The following MKRN2 variants were observed in gnomAD, a reference collection of about 807,000 sequenced individuals.
MKRN2 encodes makorin ring finger protein 2, also known as E3 ubiquitin-protein ligase makorin-2.
In MKRN2, 32 loss-of-function variants were observed where a neutral mutation model predicts 45.4. The ratio of observed to expected loss-of-function variants is 0.70; its 90% CI spans 0.53 to 0.95. The LOEUF is 0.95. MKRN2 is among the 40% of genes least tolerant of loss of function. MKRN2 has a pLI of 0.00. For synonymous variants in MKRN2, 206 were observed against 192.4 expected (o/e 1.07, Z -0.59); for missense variants, 526 against 536.7 (o/e 0.98, Z 0.20).
intron 1 of MKRN2, among the ~76,000 whole-genome samples, chr3:12,566,592 T>A (rs2058070052): frequency 6.6e-6 from 1 of 152,120 alleles, no homozygotes; most frequent in Non-Finnish European, 1.5e-5. Context: ...TCTAGAAGTT[T>A]CATTTGTTTT....
At position 12,570,095 on chromosome 3, in the gene MKRN2, T is replaced by G. The variant is rs1249292041; in HGVS notation, c.180T>G (p.Ala60=). 1 of 1,612,710 alleles carries G rather than the reference T, an allele frequency of 6.2e-7. No homozygotes were observed. The highest frequency in any genetic ancestry group is 1.3e-5 in the African/African-American group (1 of 74,870). ...RCRYDHTRPS[A]AAGGAVGTMA... ...GATATGACCACACGAGGCCCTCTGC[T>G]GCAGCTGGAGGTGCTGTGGGCACCA... Residue 60 remains alanine (A), a synonymous_variant, in exon 3 of 8, where the codon GCT becomes GCG. Transcript: ENST00000170447.
intron 5 of MKRN2, 33 bp downstream of exon 5, chr3:12,575,039 C>G: frequency 6.3e-7 from 1 of 1,579,024 alleles, no homozygotes; most frequent in Non-Finnish European, 8.7e-7. Context: ...GCTGTGGGAG[C>G]TAGGAGAATG....
At position 12,582,106 on chromosome 3, in the gene MKRN2, GT is replaced by G; in HGVS notation, c.1114-5del. 2.5e-6 allele frequency: 4 copies of G among 1,614,168 alleles called. No homozygotes were observed. Among genetic ancestry groups the G allele is most frequent in the Non-Finnish European group, 3.4e-6 (4 of 1,180,014 alleles). The stretch of plus-strand genomic sequence containing the variant: ...CAGTAACCAGGCATGTCCACTGGCT[GT>G]TTTTGCAGTTCTTTAATTCAGTGCG... On this transcript the variant is annotated splice_polypyrimidine_tract_variant and intron_variant, in intron 7 of 7. Coordinates refer to ENST00000170447, the MANE Select transcript of MKRN2 (RefSeq NM_014160.5).
At position 12,566,329 on chromosome 3, in the gene MKRN2, T is replaced by C. The variant is rs577738057; in HGVS notation, c.27-2546T>C. 3.3e-5 allele frequency among the ~76,000 whole-genome samples: 5 copies of C among 152,340 alleles called. No individual in the cohort carries two copies. The South Asian group carries it at 8.3e-4, about 25-fold the overall frequency. On this transcript the variant is annotated intron_variant, in intron 1 of 7. Coordinates refer to ENST00000170447, the MANE Select transcript of MKRN2 (RefSeq NM_014160.5). ...TCTTAAGGACCAGTCCTTTTTTCTATTGTCTGAAAGCAGTTGTTTCACATA... is the reference window on the plus strand; with the variant it reads ...TCTTAAGGACCAGTCCTTTTTTCTACTGTCTGAAAGCAGTTGTTTCACATA...
rs761611185 is a variant in MKRN2 at position 12,576,840 on chromosome 3, C to T, written c.968+99C>T. ...TTCCCAGGAGTGTGGTCTTAGGGGCCTCTTCCTCTCTTCCTTCTCTCAGGC... is the reference window on the plus strand; with the variant it reads ...TTCCCAGGAGTGTGGTCTTAGGGGCTTCTTCCTCTCTTCCTTCTCTCAGGC... On this transcript the variant is annotated intron_variant, in intron 6 of 7. Coordinates refer to ENST00000170447, the MANE Select transcript of MKRN2 (RefSeq NM_014160.5). 8 of 690,966 alleles carry T rather than the reference C, an allele frequency of 1.2e-5. No homozygotes were observed. The East Asian group carries it at 1.2e-4, about 10-fold the overall frequency. 42.8% of individuals were successfully genotyped at this position (690,966 alleles called of 1,614,324 possible). A position where few individuals can be genotyped will look rare whatever the true frequency, so the allele number is the denominator to read the frequency against.
At chr3:12,579,537 A>G (rs962857393) in intron 6 of MKRN2, among the ~76,000 whole-genome samples, 1 of 152,208 alleles carries the variant, frequency 6.6e-6, no homozygotes, top group African/African-American at 2.4e-5. Context: ...CCAGTTCTTC[A>G]TGAGGGACCA....
At chr3:12,571,139 T>G (rs1470709957) in intron 3 of MKRN2, among the ~76,000 whole-genome samples, 2 of 151,950 alleles carry the variant, frequency 1.3e-5, no homozygotes, top group East Asian at 1.9e-4. Flanking sequence ...TTTTGTTTTT[T>G]TTTTGGAGAT....
Position 12,582,265 on chromosome 3 carries a change from T to C in MKRN2, c.*12T>C, listed in dbSNP as rs781341272. 31 of 1,611,984 alleles carry C rather than the reference T, an allele frequency of 1.9e-5. No individual in the cohort carries two copies. The South Asian group carries it at 3.4e-4, about 18-fold the overall frequency. ...CATCAGAACCCTAAAGAGTAGATGG[T>C]TGCCCTGCATCTTGGGCTCCATCGG... On this transcript the variant is annotated 3_prime_UTR_variant, in exon 8 of 8. Coordinates refer to ENST00000170447, the MANE Select transcript of MKRN2 (RefSeq NM_014160.5).
At chr3:12,581,735 G>C (rs2058180376) in intron 6 of MKRN2, 73 bp from the exon 7 acceptor site, 10 of 1,540,144 alleles carry the variant, frequency 6.5e-6, no homozygotes, top group Non-Finnish European at 8.9e-6. Context: ...GGTAAGGATG[G>C]AGGCAGGCAG....
rs1296796648 is a variant in MKRN2, at chr3:12,582,301, C to T, written c.*48C>T. On this transcript the variant is annotated 3_prime_UTR_variant, in exon 8 of 8. Coordinates refer to ENST00000170447, the MANE Select transcript of MKRN2 (RefSeq NM_014160.5). Reference sequence around the variant, plus strand: ...CTTGGGCTCCATCGGCCGAAACTTTCCCAAGCCAGGGTGTGCGGAGCTTCC... The same window carrying T: ...CTTGGGCTCCATCGGCCGAAACTTTTCCAAGCCAGGGTGTGCGGAGCTTCC... The T allele has an allele frequency of 1.9e-6, 3 of 1,608,248 alleles. No individual in the cohort carries two copies. The highest frequency in any genetic ancestry group is 2.6e-6 in the Non-Finnish European group (3 of 1,175,602).
At chr3:12,569,566 C>T (rs2058087052) in intron 2 of MKRN2, among the ~76,000 whole-genome samples, 1 of 152,108 alleles carries the variant, frequency 6.6e-6, no homozygotes, top group Admixed American at 6.5e-5. Flanking sequence ...AGCAAAGAGC[C>T]GATCTTTTCT....
At chr3:12,561,271 T>C (rs1478576386) in intron 1 of MKRN2, among the ~76,000 whole-genome samples, 1 of 152,180 alleles carries the variant, frequency 6.6e-6, no homozygotes, top group Non-Finnish European at 1.5e-5. Flanking sequence ...TGTATTTTAG[T>C]GGAAGAGATA....
At chr3:12,564,931 A>G (rs1189009461) in intron 1 of MKRN2, among the ~76,000 whole-genome samples, 3 of 152,210 alleles carry the variant, frequency 2.0e-5, no homozygotes, top group Non-Finnish European at 4.4e-5. Context: ...AGGTTCACCC[A>G]TGTTGTAGTG....
In MKRN2 at chr3:12,557,118, G is replaced by A; in HGVS notation, c.-33G>A. ...GAGGCGGCAGCGGCTGCGAGAGGCGGCGGCACGACGACGGTCCCTCAGCCC... is the reference window on the plus strand; with the variant it reads ...GAGGCGGCAGCGGCTGCGAGAGGCGACGGCACGACGACGGTCCCTCAGCCC... On this transcript the variant is annotated 5_prime_UTR_variant, in exon 1 of 8. Transcript: ENST00000170447. 1 of 1,494,248 alleles carries A rather than the reference G, an allele frequency of 6.7e-7. No homozygotes were observed. The highest frequency in any genetic ancestry group is 1.3e-5 in the South Asian group (1 of 79,398). The allele number at this position is 1,494,248 out of a possible 1,614,324, so 92.6% of individuals were successfully genotyped here. A position where few individuals can be genotyped will look rare whatever the true frequency, so the allele number is the denominator to read the frequency against.
rs1400292200 is a variant in MKRN2, at chr3:12,559,792, C to T, written c.26+2616C>T. 3.9e-5 allele frequency among the ~76,000 whole-genome samples: 6 copies of T among 152,282 alleles called. No individual in the cohort carries two copies. The East Asian group carries it at 1.2e-3, about 29-fold the overall frequency. ...ATCTCCCTGTCTTCCAGTCTGTTTT[C>T]GGAGCCCTGGGGGAGGCCCTTATTA... On this transcript the variant is annotated intron_variant, in intron 1 of 7. Coordinates refer to ENST00000170447, the MANE Select transcript of MKRN2 (RefSeq NM_014160.5).
rs1398365999 is a variant in MKRN2 at position 12,576,189 on chromosome 3, A to ATATGTGTG, written c.858-441_858-440insATGTGTGT. On this transcript the variant is annotated intron_variant, in intron 5 of 7. Coordinates refer to ENST00000170447, the MANE Select transcript of MKRN2 (RefSeq NM_014160.5). ...GTCTTTTTTGTTGAGGAAACCATAT[A>ATATGTGTG]TGTGTGTGTGTGTGTGTGTGTGTGT... 2.3e-3 allele frequency among the ~76,000 whole-genome samples: 329 copies of ATATGTGTG among 143,306 alleles called. 3 individuals carry two copies. Among genetic ancestry groups the ATATGTGTG allele is most frequent in the African/African-American group, 7.6e-3 (296 of 38,754 alleles). 94.0% of individuals were successfully genotyped at this position (143,306 alleles called of 152,430 possible).
In MKRN2 at chr3:12,582,118, C is replaced by G. The variant is rs757324461; in HGVS notation, c.1116C>G (p.Phe372Leu). Residue 372 changes from phenylalanine (F) to leucine (L), a missense_variant and splice_region_variant, in exon 8 of 8, where the codon TTC becomes TTG. Physicochemically the swap from Phe to Leu is conservative, Grantham distance 22 (BLOSUM62 0). Transcript: ENST00000170447. ...KQLSSQGTVRFFNSVRLWDFI... is the reference protein window; with the variant it reads ...KQLSSQGTVRLFNSVRLWDFI... The stretch of plus-strand genomic sequence containing the variant: ...ATGTCCACTGGCTGTTTTTGCAGTT[C>G]TTTAATTCAGTGCGGCTCTGGGATT... 9 of 1,614,142 alleles carry G rather than the reference C, an allele frequency of 5.6e-6. No homozygotes were observed. The highest frequency in any genetic ancestry group is 6.8e-6 in the Non-Finnish European group (8 of 1,180,002).
intron 5 of MKRN2, 32 bp downstream of exon 5, chr3:12,575,038 G>A (rs370254691): frequency 1.3e-5 from 21 of 1,578,606 alleles, no homozygotes; most frequent in Non-Finnish European, 1.7e-5. Context: ...AGCTGTGGGA[G>A]CTAGGAGAAT....
intron 4 of MKRN2, among the ~76,000 whole-genome samples, chr3:12,572,965 A>T (rs1294299907): frequency 1.3e-5 from 2 of 152,204 alleles, no homozygotes; most frequent in Non-Finnish European, 2.9e-5. Flanking sequence ...AAGTTCAAAG[A>T]ACAGATCTAG....
Sources: gnomAD v4.1 joint callset for allele counts (sites outside exome capture counted in the v4.1 genomes callset) on GRCh38, gnomAD v4.1.1 for gene constraint, MANE v1.5 for transcripts, NCBI Gene and HGNC (gene_info 2026-07-23, HGNC 2026-07-21) for gene names.